The following SMIM14 variants were observed in gnomAD, a reference collection of about 807,000 sequenced individuals.
The protein encoded by SMIM14 is small integral membrane protein 14, also known as chromosome 4 open reading frame 34.
SMIM14 carries 5 observed loss-of-function variants against 12.6 expected under a neutral mutation model. That is an observed-to-expected ratio of 0.40 (90% CI 0.21 to 0.83). The LOEUF is 0.83. Among genes scored for constraint, SMIM14 ranks in the 40% least tolerant of loss-of-function variants. SMIM14 has a pLI of 0.37. For synonymous variants in SMIM14, 30 were observed against 40.1 expected (o/e 0.75, Z 0.95); for missense variants, 86 against 119.1 (o/e 0.72, Z 1.29).
intron 1 of SMIM14, among the ~76,000 whole-genome samples, chr4:39,636,478 T>G (rs548481271): frequency 1.8e-4 from 27 of 152,292 alleles, no homozygotes; most frequent in African/African-American, 6.5e-4. Context: ...TTTAAAACCA[T>G]GCTTTTAATA....
chr4:39,621,272 A>G (rs1314047878), intron 1 of SMIM14, among the ~76,000 whole-genome samples: 1 of 151,802 alleles, frequency 6.6e-6, no homozygotes, highest in Admixed American at 6.6e-5. Context: ...AATTTAGGAC[A>G]TAAGACTGTG....
At chr4:39,608,346 C>A (rs563293180) in intron 1 of SMIM14, among the ~76,000 whole-genome samples, 1 of 152,228 alleles carries the variant, frequency 6.6e-6, no homozygotes, top group African/African-American at 2.4e-5. Flanking sequence ...TACTTGTTTA[C>A]CAAATATTCA....
intron 2 of SMIM14, 83 bp from the exon 3 acceptor site, chr4:39,572,546 G>T: frequency 8.4e-7 from 1 of 1,193,458 alleles, no homozygotes; most frequent in Non-Finnish European, 1.2e-6. Flanking sequence ...TGTTTTGGCC[G>T]GGTGCGGTGG....
chr4:39,630,896 A>C (rs1715873044), intron 1 of SMIM14, among the ~76,000 whole-genome samples: 1 of 151,994 alleles, frequency 6.6e-6, no homozygotes, highest in South Asian at 2.1e-4. Flanking sequence ...AGAAGGAAAG[A>C]AAGAAAAGCA....
At chr4:39,591,886 T>C (rs888394694) in intron 2 of SMIM14, among the ~76,000 whole-genome samples, 7 of 152,148 alleles carry the variant, frequency 4.6e-5, no homozygotes, top group African/African-American at 1.7e-4. Flanking sequence ...TACTTTAAAA[T>C]AACCCTATAA....
chr4:39,582,858 G>T (rs1713583944), intron 2 of SMIM14, among the ~76,000 whole-genome samples: 2 of 151,922 alleles, frequency 1.3e-5, no homozygotes, highest in African/African-American at 4.8e-5. Flanking sequence ...GTGGTGGCAA[G>T]ATCTCAGCTC....
rs1294381126 is a variant in SMIM14, at chr4:39,581,867, T to G, written c.76-9404A>C. Among the ~76,000 whole-genome samples the G allele has an allele frequency of 4.2e-5, 6 of 143,716 alleles. No individual in the cohort carries two copies. The South Asian group carries it at 7.0e-4, about 17-fold the overall frequency. 94.3% of individuals were successfully genotyped at this position (143,716 alleles called of 152,430 possible). ...CGTGAGCCACCATGCCCAGCAAATG[T>G]CTTTTCTTTTTTTTTTTTTTTGAGA... On this transcript the variant is annotated intron_variant, in intron 2 of 4. Coordinates refer to ENST00000295958, the MANE Select transcript of SMIM14 (RefSeq NM_174921.3).
intron 2 of SMIM14, among the ~76,000 whole-genome samples, chr4:39,581,244 C>G (rs1287333237): frequency 2.0e-5 from 3 of 152,062 alleles, no homozygotes; most frequent in Admixed American, 6.6e-5. Flanking sequence ...TATTTTATGC[C>G]TAAACATTTT....
chr4:39,589,839 G>A (rs546148661), intron 2 of SMIM14: 5 of 151,732 alleles, frequency 3.3e-5, no homozygotes, highest in African/African-American at 7.2e-5. Flanking sequence ...TCAGGAGTTC[G>A]AGACCAGTCT....
At chr4:39,603,401 T>C (rs1234569045) in intron 2 of SMIM14, among the ~76,000 whole-genome samples, 1 of 151,180 alleles carries the variant, frequency 6.6e-6, no homozygotes, top group Non-Finnish European at 1.5e-5. Context: ...TACTAAAAAA[T>C]ACAAAAAATT....
chr4:39,604,092 T>C (rs1714718188), intron 2 of SMIM14, among the ~76,000 whole-genome samples: 1 of 151,884 alleles, frequency 6.6e-6, no homozygotes, highest in Non-Finnish European at 1.5e-5. Context: ...AACTATATCA[T>C]AACAGGAACT....
At chr4:39,585,458 A>G (rs192757169) in intron 2 of SMIM14, among the ~76,000 whole-genome samples, 5,458 of 151,896 alleles carry the variant, frequency 0.036, 189 homozygotes, top group Non-Finnish European at 0.046. Context: ...CACCATGCCC[A>G]GCTAATTTTT....
chr4:39,584,156 TTAAG>T (rs892175379), intron 2 of SMIM14, among the ~76,000 whole-genome samples: 1 of 151,898 alleles, frequency 6.6e-6, no homozygotes, highest in Non-Finnish European at 1.5e-5. Flanking sequence ...CACATTTTGA[TTAAG>T]TAACATCTCT....
At chr4:39,610,281 C>T (rs1425504634) in intron 1 of SMIM14, among the ~76,000 whole-genome samples, 1 of 152,162 alleles carries the variant, frequency 6.6e-6, no homozygotes, top group African/African-American at 2.4e-5. Flanking sequence ...GCCACCGCGC[C>T]TGGTCCAATT....
chr4:39,570,062 T>A (rs1205626166), intron 3 of SMIM14, among the ~76,000 whole-genome samples: 1 of 152,222 alleles, frequency 6.6e-6, no homozygotes. Context: ...AAGCCAGAGT[T>A]CTGAGCCACT....
chr4:39,608,829 T>C (rs188054063), intron 1 of SMIM14, among the ~76,000 whole-genome samples: 1 of 152,346 alleles, frequency 6.6e-6, no homozygotes, highest in East Asian at 1.9e-4. Flanking sequence ...TCACTCTGGT[T>C]GCCTAGAGCT....
chr4:39,591,998 G>C (rs943219642), intron 2 of SMIM14, among the ~76,000 whole-genome samples: 2 of 151,894 alleles, frequency 1.3e-5, no homozygotes, highest in Non-Finnish European at 2.9e-5. Context: ...TGTGAGACCA[G>C]CGTAGGCAAC....
intron 2 of SMIM14, among the ~76,000 whole-genome samples, chr4:39,598,001 C>G (rs1050480190): frequency 1.3e-5 from 2 of 152,134 alleles, no homozygotes; most frequent in African/African-American, 4.8e-5. Flanking sequence ...TGTTTTTTCT[C>G]TTCCTTCTCA....
chr4:39,580,332 ACCAACAC>A (rs1713431901), intron 2 of SMIM14, among the ~76,000 whole-genome samples: 5 of 151,912 alleles, frequency 3.3e-5, no homozygotes, highest in Non-Finnish European at 4.4e-5. Flanking sequence ...GATGCGTGCC[ACCAACAC>A]CCGGTTTTTA....
Sources: gnomAD v4.1 joint callset for allele counts (sites outside exome capture counted in the v4.1 genomes callset) on GRCh38, gnomAD v4.1.1 for gene constraint, MANE v1.5 for transcripts, NCBI Gene and HGNC (gene_info 2026-07-23, HGNC 2026-07-21) for gene names.